The following CACNA2D3 variants were observed in gnomAD, a reference collection of about 807,000 sequenced individuals.
CACNA2D3 encodes the protein calcium voltage-gated channel auxiliary subunit alpha2delta 3, also known as voltage-dependent calcium channel subunit alpha-2/delta-3.
A neutral mutation model predicts 160.6 loss-of-function variants in CACNA2D3; 60 were observed. That is an observed-to-expected ratio of 0.37 (90% CI 0.30 to 0.46). The LOEUF is 0.46. Among genes scored for constraint, CACNA2D3 ranks in the 20% least tolerant of loss-of-function variants. The pLI is 1.00. For synonymous variants in CACNA2D3, 558 were observed against 492.9 expected (o/e 1.13, Z -1.75); for missense variants, 1,205 against 1,365.0 (o/e 0.88, Z 1.85).
chr3:54,165,721 C>G lies in CACNA2D3; in HGVS notation c.204+42127C>G, dbSNP rs57036761. Among the ~76,000 whole-genome samples the G allele has an allele frequency of 7.3e-3, 1,106 of 151,950 alleles. 16 individuals are homozygous for G. The highest frequency in any genetic ancestry group is 0.025 in the African/African-American group (1,042 of 41,432). On this transcript the variant is annotated intron_variant, in intron 2 of 37. Coordinates refer to ENST00000474759, the MANE Select transcript of CACNA2D3 (RefSeq NM_018398.3). ...GCCGAGGTGGGAGGATTGCTCGAGCCCAGGTGTTTGAGGCTGCAGTGAGCC... is the reference window on the plus strand; with the variant it reads ...GCCGAGGTGGGAGGATTGCTCGAGCGCAGGTGTTTGAGGCTGCAGTGAGCC...
chr3:54,533,469 G>A (rs1701837227), intron 5 of CACNA2D3, among the ~76,000 whole-genome samples: 1 of 151,298 alleles, frequency 6.6e-6, no homozygotes. Context: ...CAAGTAGCTG[G>A]GATTATAGGG....
chr3:54,800,495 T>G (rs114134042), intron 13 of CACNA2D3, among the ~76,000 whole-genome samples: 2,434 of 152,268 alleles, frequency 0.016, 64 homozygotes, highest in African/African-American at 0.055. Flanking sequence ...ACCTTATTTT[T>G]CAGATACAAT....
At chr3:54,939,433 G>T (rs944468290) in intron 27 of CACNA2D3, among the ~76,000 whole-genome samples, 1 of 152,148 alleles carries the variant, frequency 6.6e-6, no homozygotes, top group African/African-American at 2.4e-5. Flanking sequence ...CCTTCCCCTG[G>T]CATGTGGAGA....
rs972672521 is a variant in CACNA2D3, at chr3:54,654,579, T to G, written c.1167+12338T>G. ...AGGAGGGGCAGAGGAAAGAAAGAGG[T>G]TACTAAAATTTAGAAGCTTGGGGGA... On this transcript the variant is annotated intron_variant, in intron 11 of 37. Transcript: ENST00000474759. Among the ~76,000 whole-genome samples, 3 of 151,816 alleles carry G rather than the reference T, an allele frequency of 2.0e-5. No individual in the cohort carries two copies. In the South Asian group the frequency reaches 6.2e-4, roughly 32 times the overall value.
chr3:54,282,574 A>G (rs1200406581), intron 2 of CACNA2D3, among the ~76,000 whole-genome samples: 1 of 152,198 alleles, frequency 6.6e-6, no homozygotes, highest in Non-Finnish European at 1.5e-5. Flanking sequence ...CTAGACATCT[A>G]GTCTGATCTA....
chr3:54,295,639 C>T (rs1483786535), intron 2 of CACNA2D3, among the ~76,000 whole-genome samples: 1 of 152,170 alleles, frequency 6.6e-6, no homozygotes, highest in Non-Finnish European at 1.5e-5. Context: ...GCACAATTTA[C>T]AGGAATAGTC....
intron 11 of CACNA2D3, among the ~76,000 whole-genome samples, chr3:54,660,784 G>T (rs538640219): frequency 6.6e-6 from 1 of 152,302 alleles, no homozygotes; most frequent in East Asian, 1.9e-4. Flanking sequence ...TCGGCCCAGA[G>T]CCTCCCACAA....
In CACNA2D3 at chr3:54,647,633, T is replaced by C. The variant is rs541466234; in HGVS notation, c.1167+5392T>C. ...CCAAGAAAGGGAAAGCAGAAGGAAG[T>C]TGGGGAACAGACCAGGGGGGGCATT... On this transcript the variant is annotated intron_variant, in intron 11 of 37. Transcript: ENST00000474759. 2.4e-4 allele frequency among the ~76,000 whole-genome samples: 36 copies of C among 152,244 alleles called. 1 individual carries two copies. The highest frequency in any genetic ancestry group is 2.0e-3 in the Admixed American group (31 of 15,300).
intron 4 of CACNA2D3, among the ~76,000 whole-genome samples, chr3:54,432,307 G>T (rs548641950): frequency 6.6e-6 from 1 of 151,982 alleles, no homozygotes; most frequent in Non-Finnish European, 1.5e-5. Context: ...TTCTGTCTGG[G>T]ATAAACAATG....
intron 4 of CACNA2D3, among the ~76,000 whole-genome samples, chr3:54,428,528 GTC>G (rs1475152507): frequency 6.6e-6 from 1 of 151,648 alleles, no homozygotes; most frequent in Admixed American, 6.6e-5. Flanking sequence ...GTTAAAAAAA[GTC>G]TTTAAAAATG....
chr3:54,815,916 A>G (rs1019672066), intron 13 of CACNA2D3, among the ~76,000 whole-genome samples: 11 of 152,230 alleles, frequency 7.2e-5, no homozygotes, highest in African/African-American at 2.7e-4. Context: ...GATCATGTTA[A>G]TTCCATTCCA....
At chr3:54,260,329 A>G (rs1271419936) in intron 2 of CACNA2D3, among the ~76,000 whole-genome samples, 1 of 152,212 alleles carries the variant, frequency 6.6e-6, no homozygotes, top group African/African-American at 2.4e-5. Flanking sequence ...CGGGCAATTT[A>G]TAAAGAAAAT....
At chr3:54,289,995 T>C (rs1449484787) in intron 2 of CACNA2D3, among the ~76,000 whole-genome samples, 2 of 151,358 alleles carry the variant, frequency 1.3e-5, no homozygotes, top group Non-Finnish European at 2.9e-5. Context: ...GACATAGGCA[T>C]GGGCAAGGAC....
In CACNA2D3 at chr3:54,533,350, T is replaced by C. The variant is rs1216097818; in HGVS notation, c.545-29450T>C. Among the ~76,000 whole-genome samples the C allele has an allele frequency of 2.9e-4, 43 of 148,354 alleles. No individual in the cohort carries two copies. In the East Asian group the frequency reaches 7.9e-3, roughly 27 times the overall value. On this transcript the variant is annotated intron_variant, in intron 5 of 37. Coordinates refer to ENST00000474759, the MANE Select transcript of CACNA2D3 (RefSeq NM_018398.3). ...TTCTTTCCTTTTTTTTTTTTTTTTT[T>C]TTTGAGACAGAGTCTCATTCTGTCA...
At chr3:54,406,633 A>G (rs549346726) in intron 4 of CACNA2D3, among the ~76,000 whole-genome samples, 3 of 152,282 alleles carry the variant, frequency 2.0e-5, no homozygotes, top group South Asian at 2.1e-4. Flanking sequence ...ATATAGAGAT[A>G]GAGAATAAAA....
chr3:54,721,445 C>G (rs1701167344), intron 11 of CACNA2D3, among the ~76,000 whole-genome samples: 1 of 152,104 alleles, frequency 6.6e-6, no homozygotes, highest in African/African-American at 2.4e-5. Flanking sequence ...CCGAGGCTTA[C>G]ATTTTTTTCA....
At chr3:54,900,803 G>C (rs1700310967) in intron 27 of CACNA2D3, among the ~76,000 whole-genome samples, 1 of 152,230 alleles carries the variant, frequency 6.6e-6, no homozygotes, top group Admixed American at 6.5e-5. Flanking sequence ...GAGGAGACCT[G>C]TTTGAAGTGG....
chr3:54,338,467 CTG>C (rs71074965), intron 3 of CACNA2D3, among the ~76,000 whole-genome samples: 12,688 of 136,268 alleles, frequency 0.093, 702 homozygotes, highest in East Asian at 0.3. Flanking sequence ...TCTCCCCTCC[CTG>C]TGTGTGTGTG....
intron 2 of CACNA2D3, among the ~76,000 whole-genome samples, chr3:54,193,520 T>C (rs569497744): frequency 5.3e-5 from 8 of 152,346 alleles, no homozygotes; most frequent in Admixed American, 4.6e-4. Context: ...AAACATTATC[T>C]CATTTAATCT....
Sources: gnomAD v4.1 joint callset for allele counts (sites outside exome capture counted in the v4.1 genomes callset) on GRCh38, gnomAD v4.1.1 for gene constraint, MANE v1.5 for transcripts, NCBI Gene and HGNC (gene_info 2026-07-23, HGNC 2026-07-21) for gene names.